The following PCDHA2 variants were observed in gnomAD, a reference collection of about 807,000 sequenced individuals.
PCDHA2 encodes protocadherin alpha 2, also known as protocadherin alpha-2.
A neutral mutation model predicts 66.0 loss-of-function variants in PCDHA2; 58 were observed. The observed-to-expected ratio is 0.88, with a 90% CI of 0.71 to 1.09. The LOEUF (loss-of-function observed/expected upper bound fraction) is 1.09. Ranked by LOEUF, PCDHA2 falls within the 50% of genes least tolerant of loss-of-function variation. The pLI is 0.00. For synonymous variants in PCDHA2, 634 were observed against 554.0 expected (o/e 1.14, Z -2.03); for missense variants, 1,267 against 1,242.3 (o/e 1.02, Z -0.30).
At chr5:140,898,703 G>A (rs2066931625) in intron 1 of PCDHA2, among the ~76,000 whole-genome samples, 1 of 152,068 alleles carries the variant, frequency 6.6e-6, no homozygotes, top group Non-Finnish European at 1.5e-5. Context: ...GAACTTTAAA[G>A]TAGTTTTTTC....
At chr5:140,873,291 T>G (rs1392246125) in intron 1 of PCDHA2, among the ~76,000 whole-genome samples, 1 of 152,198 alleles carries the variant, frequency 6.6e-6, no homozygotes, top group Admixed American at 6.5e-5. Context: ...TTATGAAACT[T>G]TATAAATATA....
At chr5:140,999,114 T>C (rs2097847387) in intron 3 of PCDHA2, among the ~76,000 whole-genome samples, 2 of 152,180 alleles carry the variant, frequency 1.3e-5, no homozygotes, top group Non-Finnish European at 2.9e-5. Context: ...CTAGCAACCA[T>C]TTCTAAGCTG....
chr5:140,836,217 CA>C, intron 1 of PCDHA2: 1 of 1,613,820 alleles, frequency 6.2e-7, no homozygotes, highest in Non-Finnish European at 8.5e-7. Context: ...GTATGAGTTG[CA>C]ACCGGTGGCG....
intron 1 of PCDHA2, among the ~76,000 whole-genome samples, chr5:140,894,895 A>G (rs557164845): frequency 6.6e-6 from 1 of 152,316 alleles, no homozygotes; most frequent in South Asian, 2.1e-4. Context: ...AGACCAGGAT[A>G]ATTTTCCTAT....
chr5:140,916,229 A>G (rs2077489205), intron 1 of PCDHA2, among the ~76,000 whole-genome samples: 2 of 152,190 alleles, frequency 1.3e-5, no homozygotes, highest in African/African-American at 4.8e-5. Flanking sequence ...TATGCTTTCC[A>G]GGAGCCAAAG....
chr5:140,925,498 A>G (rs1268906717), intron 1 of PCDHA2, among the ~76,000 whole-genome samples: 1 of 152,124 alleles, frequency 6.6e-6, no homozygotes, highest in East Asian at 1.9e-4. Flanking sequence ...CACTGTCCCA[A>G]TATCCACGCA....
rs140175664 is a variant in PCDHA2, at chr5:140,837,632, C to CCTTT, written c.2388+40296_2388+40299dup. Among the ~76,000 whole-genome samples, 52 of 151,222 alleles carry CCTTT rather than the reference C, an allele frequency of 3.4e-4. 1 individual carries two copies. Among genetic ancestry groups the CCTTT allele is most frequent in the Middle Eastern group, 6.8e-3 (2 of 294 alleles). On this transcript the variant is annotated intron_variant, in intron 1 of 3. Transcript: ENST00000526136. ...TAATTTGCCCCTTCCTTCCTTCCTT[C>CCTTT]CTTTCTTTCTTTCTTTCTTCCTTTT...
chr5:140,869,864 A>C (rs1554163548), intron 1 of PCDHA2: 1 of 1,610,504 alleles, frequency 6.2e-7, no homozygotes, highest in African/African-American at 1.3e-5. Context: ...CTTATGGAAA[A>C]TGCTGCTAAA....
intron 1 of PCDHA2, chr5:140,822,130 G>A (rs1554128458): frequency 6.2e-7 from 1 of 1,614,268 alleles, no homozygotes; most frequent in Non-Finnish European, 8.5e-7. Flanking sequence ...TTTCCATGTG[G>A]AGGTGGCAGT....
intron 1 of PCDHA2, chr5:140,808,476 G>A (rs1554124581): frequency 1.2e-6 from 2 of 1,614,176 alleles, no homozygotes; most frequent in South Asian, 2.2e-5. Flanking sequence ...GCGCGAGACG[G>A]GGGCTCGCCT....
chr5:141,010,031 A>G lies in PCDHA2; in HGVS notation c.*94A>G, dbSNP rs113710382. The stretch of plus-strand genomic sequence containing the variant: ...TTCCCTGCTCCTTTTTCCTATCTAC[A>G]TGAGCCCTCTTAGAGACCTCAGAAA... On this transcript the variant is annotated 3_prime_UTR_variant, in exon 4 of 4. Transcript: ENST00000526136. 1.9e-6 allele frequency: 3 copies of G among 1,581,690 alleles called. No individual in the cohort carries two copies. The highest frequency in any genetic ancestry group is 2.6e-6 in the Non-Finnish European group (3 of 1,166,446).
Position 140,890,802 on chromosome 5 carries a change from A to G in PCDHA2, c.2389-88147A>G, listed in dbSNP as rs1401387956. On this transcript the variant is annotated intron_variant, in intron 1 of 3. Transcript: ENST00000526136. The stretch of plus-strand genomic sequence containing the variant: ...TAAGATATTAGTATTATTTTATACA[A>G]TCAACATTGTTTTAAATGTACTTAC... 5.3e-5 allele frequency among the ~76,000 whole-genome samples: 8 copies of G among 152,310 alleles called. 1 individual carries two copies. Among genetic ancestry groups the G allele is most frequent in the Admixed American group, 4.6e-4 (7 of 15,296 alleles).
At chr5:140,863,749 G>A (rs1346198553) in intron 1 of PCDHA2, 2 of 245,258 alleles carry the variant, frequency 8.2e-6, no homozygotes, top group African/African-American at 2.2e-5. Context: ...TTGTAATCCC[G>A]GCACTTTGGG....
At chr5:140,870,070 G>T (rs1554163779) in intron 1 of PCDHA2, 1 of 1,613,880 alleles carries the variant, frequency 6.2e-7, no homozygotes, top group Admixed American at 1.7e-5. Flanking sequence ...ACAGGCTACA[G>T]ATAAGGGGAC....
At chr5:140,960,208 C>T (rs1295278624) in intron 1 of PCDHA2, among the ~76,000 whole-genome samples, 2 of 151,976 alleles carry the variant, frequency 1.3e-5, no homozygotes, top group Non-Finnish European at 2.9e-5. Flanking sequence ...GATGTTATTT[C>T]AGGATCTCAA....
intron 1 of PCDHA2, among the ~76,000 whole-genome samples, chr5:140,886,130 C>T (rs2060865178): frequency 6.6e-6 from 1 of 152,144 alleles, no homozygotes; most frequent in African/African-American, 2.4e-5. Flanking sequence ...TCCGTAACAA[C>T]CAGATTCTTG....
chr5:140,943,998 G>C (rs2093593066), intron 1 of PCDHA2, among the ~76,000 whole-genome samples: 1 of 152,178 alleles, frequency 6.6e-6, no homozygotes, highest in Non-Finnish European at 1.5e-5. Context: ...CAGAACTACT[G>C]AGTACCCCCC....
intron 1 of PCDHA2, chr5:140,854,286 T>C: frequency 3.8e-6 from 2 of 522,000 alleles, no homozygotes; most frequent in Non-Finnish European, 4.9e-6. Context: ...AGTTTAGTTT[T>C]TATTATTTTG....
chr5:140,906,010 C>T (rs1465949058), intron 1 of PCDHA2, among the ~76,000 whole-genome samples: 1 of 152,210 alleles, frequency 6.6e-6, no homozygotes, highest in Admixed American at 6.5e-5. Flanking sequence ...CTAAGCCAGT[C>T]TAATCTCTCC....
Sources: gnomAD v4.1 joint callset for allele counts (sites outside exome capture counted in the v4.1 genomes callset) on GRCh38, gnomAD v4.1.1 for gene constraint, MANE v1.5 for transcripts, NCBI Gene and HGNC (gene_info 2026-07-23, HGNC 2026-07-21) for gene names.